Variants in PCDHA13 observed in about 807,000 individuals in gnomAD.
PCDHA13 encodes the protein protocadherin alpha-13.
PCDHA13 carries 54 observed loss-of-function variants against 64.8 expected under a neutral mutation model. That is an observed-to-expected ratio of 0.83 (90% confidence interval 0.67 to 1.04). The LOEUF (loss-of-function observed/expected upper bound fraction) is 1.04, where lower values mean the gene tolerates loss of function less well. PCDHA13 is among the 50% of genes least tolerant of loss of function. The probability of loss-of-function intolerance (pLI) is 0.00; values close to 1 mark genes in which losing one functional copy is unlikely to be tolerated. For missense variants in PCDHA13, 1,248 were observed against 1,254.3 expected, an observed-to-expected ratio of 0.99 and a Z score of 0.08; for synonymous variants, 587 against 564.4, an observed-to-expected ratio of 1.04 and a Z score of -0.57.
chr5:140,956,434 T>G (rs1554222427), intron 1 of PCDHA13, among the ~76,000 whole-genome samples: 1 of 152,236 alleles, frequency 6.6e-6, no homozygotes, highest in Non-Finnish European at 1.5e-5. Flanking sequence ...TTAGTTCTGC[T>G]TATGTGATGA....
intron 1 of PCDHA13, among the ~76,000 whole-genome samples, chr5:140,920,075 G>T (rs190821804): frequency 6.6e-6 from 1 of 152,316 alleles, no homozygotes; most frequent in Admixed American, 6.5e-5. Flanking sequence ...GGCAGAAACA[G>T]ATTCTCCGTA....
chr5:140,921,486 G>A (rs782660925), intron 1 of PCDHA13, among the ~76,000 whole-genome samples: 1 of 152,128 alleles, frequency 6.6e-6, no homozygotes, highest in African/African-American at 2.4e-5. Flanking sequence ...CTCTACCTGA[G>A]ATTAGTTTAT....
intron 1 of PCDHA13, among the ~76,000 whole-genome samples, chr5:140,974,906 T>G (rs1197306976): frequency 6.6e-6 from 1 of 152,182 alleles, no homozygotes; most frequent in Non-Finnish European, 1.5e-5. Flanking sequence ...TTGTAACAAA[T>G]TACCACAAGT....
rs555714516 is a variant in PCDHA13, at chr5:140,983,025, A to T, written c.2542+462A>T. Among the ~76,000 whole-genome samples the T allele has an allele frequency of 9.9e-5, 15 of 151,964 alleles. 1 individual carries two copies. The South Asian group carries it at 2.9e-3, about 29-fold the overall frequency. ...AAGAAAAAGGAAGGAAGGAAGGAAG[A>T]TGGTTTCTCATGGAAGTGGAAAATT... On this transcript the variant is annotated intron_variant, in intron 3 of 3. Coordinates refer to ENST00000289272, the MANE Select transcript of PCDHA13 (RefSeq NM_018904.3).
Position 140,883,224 on chromosome 5 carries a change from C to A in PCDHA13, c.956C>A (p.Ser319Tyr), listed in dbSNP as rs782659730. Reference protein sequence around the residue: ...DFEEKKLYEISVEAVDKGNIP... With the variant: ...DFEEKKLYEIYVEAVDKGNIP... The stretch of plus-strand genomic sequence containing the variant: ...GAAGAAAAGAAATTATATGAAATAT[C>A]CGTGGAGGCAGTTGACAAAGGAAAT... Residue 319 changes from serine to tyrosine, a missense_variant, in exon 1 of 4, where the codon TCC becomes TAC. Physicochemically the swap from Ser to Tyr is moderately radical, Grantham distance 144 (BLOSUM62 -2). Transcript: ENST00000289272. The A allele has an allele frequency of 1.2e-5, 20 of 1,613,828 alleles. 2 individuals carry two copies. In the South Asian group the frequency reaches 2.2e-4, roughly 18 times the overall value.
intron 1 of PCDHA13, chr5:140,927,058 C>T (rs376173105): frequency 1.2e-6 from 2 of 1,611,256 alleles, no homozygotes; most frequent in African/African-American, 1.3e-5. Flanking sequence ...GCGGAACTTT[C>T]GCTTCCTTTC....
intron 3 of PCDHA13, among the ~76,000 whole-genome samples, chr5:140,987,991 T>C (rs1243117535): frequency 6.6e-6 from 1 of 152,232 alleles, no homozygotes; most frequent in Non-Finnish European, 1.5e-5. Context: ...ACTCCATCTC[T>C]GATCCTTCCC....
Position 140,968,423 on chromosome 5 carries a change from G to A in PCDHA13, c.2395-10526G>A, listed in dbSNP as rs782235507. The A allele has an allele frequency of 1.9e-6, 3 of 1,614,028 alleles. No homozygotes were observed. The South Asian group carries it at 3.3e-5, about 18-fold the overall frequency. On this transcript the variant is annotated intron_variant, in intron 1 of 3. Transcript: ENST00000289272. ...GTTCTTTGTGACTGTGGAGGCTCAG[G>A]ACAAGGGGAGCCCACCACTGAGCAG...
chr5:140,993,001 TC>T (rs1554253322), intron 3 of PCDHA13, among the ~76,000 whole-genome samples: 4 of 152,124 alleles, frequency 2.6e-5, no homozygotes, highest in Admixed American at 2.6e-4. Context: ...TGAAAGAGCC[TC>T]CCCAGAGTCC....
chr5:140,967,084 T>G (rs782593106), intron 1 of PCDHA13: 1 of 1,613,270 alleles, frequency 6.2e-7, no homozygotes, highest in Admixed American at 1.7e-5. Context: ...AGCGCATTGA[T>G]CGGGAGGCGC....
chr5:140,953,576 C>T (rs1466296429), intron 1 of PCDHA13, among the ~76,000 whole-genome samples: 1 of 152,090 alleles, frequency 6.6e-6, no homozygotes, highest in Non-Finnish European at 1.5e-5. Flanking sequence ...CCTCCTCTCC[C>T]AAAACTGCCT....
chr5:141,006,233 A>G (rs1311441986), intron 3 of PCDHA13, among the ~76,000 whole-genome samples: 2 of 151,044 alleles, frequency 1.3e-5, no homozygotes, highest in African/African-American at 4.9e-5. Flanking sequence ...TTATTTTTAG[A>G]TGGAGTCTTG....
chr5:140,965,012 C>T (rs1405445486), intron 1 of PCDHA13, among the ~76,000 whole-genome samples: 2 of 152,188 alleles, frequency 1.3e-5, no homozygotes, highest in African/African-American at 4.8e-5. Flanking sequence ...GTCAGGATCA[C>T]AACCTTGGCT....
intron 1 of PCDHA13, among the ~76,000 whole-genome samples, chr5:140,906,117 C>A (rs1554192403): frequency 6.6e-6 from 1 of 152,180 alleles, no homozygotes; most frequent in Non-Finnish European, 1.5e-5. Flanking sequence ...AGTCCACTGA[C>A]ACAAATGTTA....
intron 1 of PCDHA13, chr5:140,927,184 G>A (rs781951426): frequency 1.2e-6 from 2 of 1,614,160 alleles, no homozygotes; most frequent in South Asian, 1.1e-5. Context: ...CTTGACCTAC[G>A]ACCTGGTGCT....
Position 141,011,146 on chromosome 5 carries a change from C to T in PCDHA13, c.*1209C>T, listed in dbSNP as rs1180133019. On this transcript the variant is annotated 3_prime_UTR_variant, in exon 4 of 4. Transcript: ENST00000289272. ...TATGTGCACTTTGATACACAACCTT[C>T]TCTAACCAACTATATATCAAGACCC... The T allele has an allele frequency of 6.5e-6, 1 of 153,746 alleles. No individual in the cohort carries two copies. The highest frequency in any genetic ancestry group is 2.1e-4 in the South Asian group (1 of 4,824). The allele number at this position is 153,746 out of a possible 1,614,324, so 9.5% of individuals were successfully genotyped here.
chr5:140,967,645 G>A lies in PCDHA13; in HGVS notation c.2395-11304G>A, dbSNP rs782043521. ...ATGAGGGCTCCAATGGTGAGCTCAG[G>A]TACTCCTTGAGCAGCTACACGTCGG... On this transcript the variant is annotated intron_variant, in intron 1 of 3. Transcript: ENST00000289272. 1.9e-5 allele frequency: 30 copies of A among 1,614,144 alleles called. 1 individual carries two copies. In the South Asian group the frequency reaches 3.2e-4, roughly 17 times the overall value.
At position 140,884,521 on chromosome 5, in the gene PCDHA13, G is replaced by C. The variant is rs569278761; in HGVS notation, c.2253G>C (p.Ser751=). 6.2e-7 allele frequency: 1 copy of C among 1,614,196 alleles called. No homozygotes were observed. The highest frequency in any genetic ancestry group is 1.3e-5 in the African/African-American group (1 of 75,084). ...CSSAAGSWSY[S]QQRRPRVCSG... ...GCGCGGCAGGGAGTTGGTCGTACTCGCAGCAGAGGCGGCCGAGGGTGTGCT... is the reference window on the plus strand; with the variant it reads ...GCGCGGCAGGGAGTTGGTCGTACTCCCAGCAGAGGCGGCCGAGGGTGTGCT... The change falls in exon 1 of 4, where the codon TCG becomes TCC. Residue 751 remains serine (S), a synonymous_variant. Coordinates refer to ENST00000289272, the MANE Select transcript of PCDHA13 (RefSeq NM_018904.3).
intron 1 of PCDHA13, among the ~76,000 whole-genome samples, chr5:140,888,729 T>G (rs1214867910): frequency 6.6e-6 from 1 of 152,156 alleles, no homozygotes; most frequent in Admixed American, 6.5e-5. Context: ...CAGCCCTTTG[T>G]GAGCTCTAGG....
Sources: gnomAD v4.1 joint callset for allele counts (sites outside exome capture counted in the v4.1 genomes callset) on GRCh38, gnomAD v4.1.1 for gene constraint, MANE v1.5 for transcripts, NCBI Gene and HGNC (gene_info 2026-07-23, HGNC 2026-07-21) for gene names.